TMEM266: variants seen among roughly 807,000 people sequenced by gnomAD.
TMEM266 encodes transmembrane protein 266.
In TMEM266, 33 loss-of-function variants were observed where a neutral mutation model predicts 50.5. The ratio of observed to expected loss-of-function variants is 0.65; its 90% CI spans 0.50 to 0.87. TMEM266 has a LOEUF of 0.87. TMEM266 is among the 40% of genes least tolerant of loss of function. The pLI is 0.00. For synonymous variants in TMEM266, 310 were observed against 292.3 expected, an observed-to-expected ratio of 1.06 and a Z score of -0.62; for missense variants, 655 against 695.1, an observed-to-expected ratio of 0.94 and a Z score of 0.65.
rs2037651816 is a variant in TMEM266 at position 76,139,927 on chromosome 15, CTTTCAGGG to C, written c.227+2033_227+2040del. 6.6e-6 allele frequency among the ~76,000 whole-genome samples: 1 copy of C among 152,226 alleles called. No homozygotes were observed. Among genetic ancestry groups the C allele is most frequent in the African/African-American group, 2.4e-5 (1 of 41,466 alleles). ...AGGTGTACCACCCTGTGATGTACCC[CTTTCAGGG>C]GTCCTGTGCTGTGGTGTACCCCTTT... On this transcript the variant is annotated intron_variant, in intron 3 of 10. Coordinates refer to ENST00000388942, the MANE Select transcript of TMEM266 (RefSeq NM_152335.3). The surrounding 1 kb of genome is among the most constrained non-coding windows in gnomAD (Gnocchi z 4.1).
rs532524017 is a variant in TMEM266, at chr15:76,119,471, A to C, written c.-96-14697A>C. Reference sequence around the variant, plus strand: ...AGCTGTTGCTGAAACAATTCATAGAAATATTGTGACGGGAGCCGGGCGCGG... The same window carrying C: ...AGCTGTTGCTGAAACAATTCATAGACATATTGTGACGGGAGCCGGGCGCGG... On this transcript the variant is annotated intron_variant, in intron 1 of 10. Coordinates refer to ENST00000388942, the MANE Select transcript of TMEM266 (RefSeq NM_152335.3). Among the ~76,000 whole-genome samples the C allele has an allele frequency of 7.2e-5, 11 of 152,032 alleles. No individual in the cohort carries two copies. In the South Asian group the frequency reaches 8.3e-4, roughly 11 times the overall value.
intron 1 of TMEM266, among the ~76,000 whole-genome samples, chr15:76,131,730 G>C (rs1243334351): frequency 6.6e-6 from 1 of 152,152 alleles, no homozygotes; most frequent in East Asian, 1.9e-4. Context: ...GTAAGATGTG[G>C]TTACAAAACA....
rs992405565 is a variant in TMEM266 at position 76,157,816 on chromosome 15, G to A, written c.382+1058G>A. ...AGCCTGGGGAACATGGCAAGGCCCT[G>A]TCTCTACAAAAAAATTTAAAAATTT... On this transcript the variant is annotated intron_variant, in intron 4 of 10. Coordinates refer to ENST00000388942, the MANE Select transcript of TMEM266 (RefSeq NM_152335.3). Among the ~76,000 whole-genome samples, 8 of 152,036 alleles carry A rather than the reference G, an allele frequency of 5.3e-5. No homozygotes were observed. In the South Asian group the frequency reaches 1.5e-3, roughly 28 times the overall value.
At chr15:76,105,860 C>G (rs547291031) in intron 1 of TMEM266, among the ~76,000 whole-genome samples, 10 of 152,252 alleles carry the variant, frequency 6.6e-5, no homozygotes, top group Non-Finnish European at 1.5e-4. Context: ...AGACAGTGTT[C>G]CCTCCTATAT....
intron 9 of TMEM266, among the ~76,000 whole-genome samples, chr15:76,193,758 T>C (rs2038616274): frequency 6.6e-6 from 1 of 152,216 alleles, no homozygotes; most frequent in Non-Finnish European, 1.5e-5. Context: ...CCTGGTCCCC[T>C]GCCCCTGCCT....
rs201833387 is a variant in TMEM266, at chr15:76,203,789, T to G, written c.1070T>G (p.Ile357Arg). The change falls in exon 11 of 11, where the codon ATA becomes AGA. Residue 357 changes from isoleucine (I) to arginine (R), a missense_variant. By Grantham distance (97) the Ile-to-Arg change is moderately conservative. This residue lies in a region of TMEM266 where 455 missense variants were observed against 401.8 expected (regional missense o/e 1.13). Coordinates refer to ENST00000388942, the MANE Select transcript of TMEM266 (RefSeq NM_152335.3). ...GTGTGTATGGTCACCACGGCCGCAA[T>G]AGACATTCACCAGCCCAACATCTCC... The G allele has an allele frequency of 2.2e-5, 36 of 1,614,052 alleles. No homozygotes were observed. Among genetic ancestry groups the G allele is most frequent in the Non-Finnish European group, 3.1e-5 (36 of 1,180,012 alleles).
chr15:76,203,773 GTCACCACGGCCGCAATAGACAT>G lies in TMEM266; in HGVS notation c.1061_1082del (p.Thr354SerfsTer122). On this transcript the variant is annotated frameshift_variant, in exon 11 of 11. Coordinates refer to ENST00000388942, the MANE Select transcript of TMEM266 (RefSeq NM_152335.3). LOFTEE classifies it low-confidence loss of function (END_TRUNC). ...TGTCCCAGAGCCAGCTGTGTGTATG[GTCACCACGGCCGCAATAGACAT>G]TCACCAGCCCAACATCTCCTCGGAC... 1 of 1,614,062 alleles carries G rather than the reference GTCACCACGGCCGCAATAGACAT, an allele frequency of 6.2e-7. No individual in the cohort carries two copies. Among genetic ancestry groups the G allele is most frequent in the Non-Finnish European group, 8.5e-7 (1 of 1,179,976 alleles).
At chr15:76,083,915 G>A (rs2036732365) in intron 1 of TMEM266, among the ~76,000 whole-genome samples, 1 of 152,174 alleles carries the variant, frequency 6.6e-6, no homozygotes, top group Middle Eastern at 3.2e-3. Flanking sequence ...ATAATGCTTT[G>A]AGCAGAGTAT....
chr15:76,165,869 G>T (rs1319534027), intron 5 of TMEM266, among the ~76,000 whole-genome samples: 1 of 152,210 alleles, frequency 6.6e-6, no homozygotes, highest in Non-Finnish European at 1.5e-5. Context: ...TTGCTTGTGG[G>T]CCTGTGGTCT....
At chr15:76,090,813 C>G (rs537912614) in intron 1 of TMEM266, among the ~76,000 whole-genome samples, 36 of 152,216 alleles carry the variant, frequency 2.4e-4, no homozygotes, top group Middle Eastern at 6.8e-3. Flanking sequence ...TACAAAATTA[C>G]AGCTAGATGG....
chr15:76,193,661 C>T (rs1238505014), intron 9 of TMEM266, among the ~76,000 whole-genome samples: 2 of 152,200 alleles, frequency 1.3e-5, no homozygotes, highest in Non-Finnish European at 2.9e-5. Flanking sequence ...TCGCCCTCCT[C>T]TAAGTGCTTC....
intron 1 of TMEM266, among the ~76,000 whole-genome samples, chr15:76,069,064 G>A (rs530354199): frequency 1.3e-5 from 2 of 152,282 alleles, no homozygotes; most frequent in South Asian, 4.1e-4. Context: ...CCTTATGCTT[G>A]CCCTGTTTAT....
At chr15:76,129,395 A>G (rs1356717870) in intron 1 of TMEM266, among the ~76,000 whole-genome samples, 4 of 152,152 alleles carry the variant, frequency 2.6e-5, no homozygotes, top group Admixed American at 1.3e-4. Flanking sequence ...TAATCCCAGC[A>G]CTTTGGGAGG....
At position 76,202,186 on chromosome 15, in the gene TMEM266, G is replaced by C. The variant is rs779553334; in HGVS notation, c.959-16G>C. On this transcript the variant is annotated splice_polypyrimidine_tract_variant and intron_variant, in intron 9 of 10. Transcript: ENST00000388942. ...GAACTTGATGCACTCACCCTTCTCT[G>C]TCCCCACCTCTGTAGAAGCCACGAT... The C allele has an allele frequency of 1.9e-6, 3 of 1,610,112 alleles. No individual in the cohort carries two copies. The East Asian group carries it at 6.7e-5, about 36-fold the overall frequency.
intron 8 of TMEM266, among the ~76,000 whole-genome samples, chr15:76,185,999 C>T (rs999201529): frequency 6.6e-6 from 1 of 152,222 alleles, no homozygotes; most frequent in African/African-American, 2.4e-5. Flanking sequence ...GCTCAGCCTC[C>T]AGCCCCTGCT....
intron 1 of TMEM266, among the ~76,000 whole-genome samples, chr15:76,079,908 G>A (rs2036661594): frequency 6.6e-6 from 1 of 151,950 alleles, no homozygotes; most frequent in African/African-American, 2.4e-5. Flanking sequence ...GCCAAGACTA[G>A]AGTGAATCTT....
chr15:76,170,979 G>A lies in TMEM266; in HGVS notation c.514-14G>A, dbSNP rs2038178653. 1 of 1,608,892 alleles carries A rather than the reference G, an allele frequency of 6.2e-7. No homozygotes were observed. The highest frequency in any genetic ancestry group is 8.5e-7 in the Non-Finnish European group (1 of 1,177,746). ...GGCAGGGCCCAGGGCACTGAAATGG[G>A]CCTCCTCTCACAGGTGTTTGACGGG... On this transcript the variant is annotated splice_polypyrimidine_tract_variant and intron_variant, in intron 6 of 10. Transcript: ENST00000388942.
At chr15:76,062,488 G>C (rs1203581401) in intron 1 of TMEM266, among the ~76,000 whole-genome samples, 2 of 152,214 alleles carry the variant, frequency 1.3e-5, no homozygotes, top group African/African-American at 2.4e-5. Context: ...TGCTGAGACA[G>C]GATCTTTCTG....
chr15:76,067,282 T>C (rs184895028), intron 1 of TMEM266, among the ~76,000 whole-genome samples: 1 of 152,230 alleles, frequency 6.6e-6, no homozygotes. Flanking sequence ...ATTACAGAAA[T>C]GCAGACCATC....
Sources: gnomAD v4.1 joint callset for allele counts (sites outside exome capture counted in the v4.1 genomes callset) on GRCh38, gnomAD v4.1.1 for gene constraint, gnomAD v4.1.1 regional missense constraint, Gnocchi (gnomAD v3.1) non-coding constraint, MANE v1.5 for transcripts, NCBI Gene and HGNC (gene_info 2026-07-23, HGNC 2026-07-21) for gene names.